The following FMN2 variants were observed in gnomAD, a reference collection of about 807,000 sequenced individuals.
FMN2 encodes formin-2.
FMN2 carries 51 observed loss-of-function variants against 142.3 expected under a neutral mutation model. That is an observed-to-expected ratio of 0.36 (90% CI 0.29 to 0.45). FMN2 has a LOEUF of 0.45. FMN2 is among the 20% of genes least tolerant of loss of function. The pLI, the probability that FMN2 is intolerant of heterozygous loss-of-function variation, is 1.00. For missense variants in FMN2, 1,936 were observed against 2,122.8 expected (o/e 0.91, Z 1.73); for synonymous variants, 882 against 869.8 (o/e 1.01, Z -0.25).
rs1471697427 is a variant in FMN2 at position 240,459,717 on chromosome 1, T to TTAAAAAAAAAAAAAAAAA, written c.5061-12655_5061-12654insTAAAAAAAAAAAAAAAAA. ...GGGTGACAGAACAAGACTCTGTCTC[T>TTAAAAAAAAAAAAAAAAA]AAAAAAAAAAAAAAAAAAAAAAAAA... On this transcript the variant is annotated intron_variant, in intron 16 of 17. Transcript: ENST00000319653. 4.5e-5 allele frequency among the ~76,000 whole-genome samples: 3 copies of TTAAAAAAAAAAAAAAAAA among 67,128 alleles called. 1 individual carries two copies. The highest frequency in any genetic ancestry group is 1.5e-4 in the African/African-American group (3 of 19,468). 44.0% of individuals were successfully genotyped at this position (67,128 alleles called of 152,430 possible).
chr1:240,424,141 TATAC>T lies in FMN2; in HGVS notation c.4911-13912_4911-13909del, dbSNP rs555613613. ...GGTGGCAGGAAGCTCTGTGTCTGTG[TATAC>T]ATACATAGGTGTACATGAGCAACAT... is the stretch of plus-strand genomic sequence containing the variant. On this transcript the variant is annotated intron_variant, in intron 15 of 17. Transcript: ENST00000319653. 3.9e-5 allele frequency among the ~76,000 whole-genome samples: 6 copies of T among 152,330 alleles called. No homozygotes were observed. The South Asian group carries it at 1.2e-3, about 32-fold the overall frequency.
At chr1:240,150,909 A>G (rs1374632991) in intron 2 of FMN2, among the ~76,000 whole-genome samples, 1 of 152,226 alleles carries the variant, frequency 6.6e-6, no homozygotes, top group Non-Finnish European at 1.5e-5. Flanking sequence ...ACATCCACAC[A>G]TGTTAGCATT....
In FMN2 at chr1:240,208,572, T is replaced by G; in HGVS notation, c.3760T>G (p.Leu1254Val). The G allele has an allele frequency of 6.2e-7, 1 of 1,613,620 alleles. No homozygotes were observed. The highest frequency in any genetic ancestry group is 8.5e-7 in the Non-Finnish European group (1 of 1,179,956). Reference protein sequence around the residue: ...PLLPQVGSSTLPTPQVCGFLP... With the variant: ...PLLPQVGSSTVPTPQVCGFLP... ...CCTCCCACAAGTTGGGAGTAGCACT[T>G]TACCAACCCCACAGGTGTGTGGATT... The change falls in exon 5 of 18, where the codon TTA (leucine) becomes GTA (valine). Residue 1254 changes from leucine (L) to valine (V), a missense_variant. By Grantham distance (32) the Leu-to-Val change is conservative. Coordinates refer to ENST00000319653, the MANE Select transcript of FMN2 (RefSeq NM_020066.5).
chr1:240,389,374 A>T (rs1673529228), intron 14 of FMN2, among the ~76,000 whole-genome samples: 1 of 152,200 alleles, frequency 6.6e-6, no homozygotes, highest in South Asian at 2.1e-4. Flanking sequence ...TTTCTGTGTT[A>T]CCTTCAGCAA....
At chr1:240,166,111 C>T (rs979118266) in intron 2 of FMN2, among the ~76,000 whole-genome samples, 7 of 150,178 alleles carry the variant, frequency 4.7e-5, no homozygotes, top group East Asian at 1.9e-4. Context: ...TATAAACTCA[C>T]ATTTATGTGT....
At chr1:240,224,112 A>G (rs1667216967) in intron 6 of FMN2, among the ~76,000 whole-genome samples, 1 of 152,052 alleles carries the variant, frequency 6.6e-6, no homozygotes, top group African/African-American at 2.4e-5. Context: ...TTTCTCCTGT[A>G]GACATTTAGT....
chr1:240,191,587 A>C, intron 4 of FMN2, among the ~76,000 whole-genome samples: 1 of 152,194 alleles, frequency 6.6e-6, no homozygotes, highest in East Asian at 1.9e-4. Context: ...CTGTTTATTA[A>C]AATCTTTGCC....
rs780595882 is a variant in FMN2 at position 240,328,147 on chromosome 1, CAAAAAAA to C, written c.4216-910_4216-904del. Among the ~76,000 whole-genome samples, 187 of 51,442 alleles carry C rather than the reference CAAAAAAA, an allele frequency of 3.6e-3. 1 individual carries two copies. Among genetic ancestry groups the C allele is most frequent in the East Asian group, 0.023 (36 of 1,586 alleles). 33.7% of individuals were successfully genotyped at this position (51,442 alleles called of 152,430 possible). A position where few individuals can be genotyped will look rare whatever the true frequency, so the allele number is the denominator to read the frequency against. On this transcript the variant is annotated intron_variant, in intron 8 of 17. Transcript: ENST00000319653. ...TGGGTGACGGAGCAAGACCCCATCT[CAAAAAAA>C]AAAAAAAAAAAAAAAAAAGAAAAAG...
chr1:240,111,275 A>G (rs1661799137), intron 1 of FMN2, among the ~76,000 whole-genome samples: 1 of 152,190 alleles, frequency 6.6e-6, no homozygotes, highest in South Asian at 2.1e-4. Flanking sequence ...AGGGGTCCCA[A>G]TCCAGACCCT....
chr1:240,422,694 A>C (rs972486012), intron 15 of FMN2, among the ~76,000 whole-genome samples: 4 of 152,176 alleles, frequency 2.6e-5, no homozygotes, highest in Non-Finnish European at 5.9e-5. Flanking sequence ...AAATAGGGAC[A>C]GTTGTATTTC....
intron 7 of FMN2, among the ~76,000 whole-genome samples, chr1:240,271,089 T>G (rs923517243): frequency 1.4e-5 from 2 of 147,076 alleles, no homozygotes; most frequent in African/African-American, 2.5e-5. Flanking sequence ...CTAGGAACTT[T>G]CCACGATGGT....
At position 240,243,406 on chromosome 1, in the gene FMN2, A is replaced by G. The variant is rs181150401; in HGVS notation, c.4066-14539A>G. ...GTATGTCTAAAGAGTTCTTGGAGAA[A>G]TCACACTTTGTAAATTCCCAAGGGG... On this transcript the variant is annotated intron_variant, in intron 6 of 17. Transcript: ENST00000319653. 2.5e-4 allele frequency among the ~76,000 whole-genome samples: 38 copies of G among 151,622 alleles called. No individual in the cohort carries two copies. The East Asian group carries it at 6.8e-3, about 27-fold the overall frequency.
intron 14 of FMN2, among the ~76,000 whole-genome samples, chr1:240,365,620 G>A (rs984521871): frequency 2.6e-5 from 4 of 152,130 alleles, no homozygotes; most frequent in Non-Finnish European, 5.9e-5. Flanking sequence ...GTTTTATAGA[G>A]TCACTGCGAA....
intron 7 of FMN2, among the ~76,000 whole-genome samples, chr1:240,279,068 C>G (rs1428294097): frequency 1.3e-5 from 2 of 152,174 alleles, no homozygotes; most frequent in African/African-American, 4.8e-5. Context: ...AGACTTGAAA[C>G]TAGTGTTATA....
chr1:240,097,626 A>G (rs933247264), intron 1 of FMN2, among the ~76,000 whole-genome samples: 9 of 152,120 alleles, frequency 5.9e-5, no homozygotes, highest in African/African-American at 2.2e-4. Context: ...AAGTGCTGGG[A>G]TTACAGGCGT....
chr1:240,426,841 T>C (rs1411278234), intron 15 of FMN2, among the ~76,000 whole-genome samples: 2 of 152,040 alleles, frequency 1.3e-5, no homozygotes, highest in Non-Finnish European at 2.9e-5. Context: ...GTTCAAGCAA[T>C]TCTCCTCCTG....
chr1:240,284,048 T>A (rs1346942435), intron 7 of FMN2, among the ~76,000 whole-genome samples: 1 of 152,096 alleles, frequency 6.6e-6, no homozygotes, highest in Non-Finnish European at 1.5e-5. Flanking sequence ...TTGTTCCAAG[T>A]GAGGAAAAGG....
chr1:240,178,369 G>A (rs1259758714), intron 3 of FMN2, among the ~76,000 whole-genome samples: 1 of 145,658 alleles, frequency 6.9e-6, no homozygotes, highest in Admixed American at 6.7e-5. Context: ...ACAGAACTGA[G>A]AACCATATTT....
intron 14 of FMN2, among the ~76,000 whole-genome samples, chr1:240,367,868 C>T (rs905742367): frequency 3.3e-5 from 5 of 150,980 alleles, no homozygotes; most frequent in Non-Finnish European, 4.4e-5. Flanking sequence ...TTTGCTTTCA[C>T]ATTTAATCCT....
Sources: allele counts gnomAD v4.1 joint callset (sites outside exome capture counted in the v4.1 genomes callset), GRCh38; gene constraint gnomAD v4.1.1; transcripts MANE v1.5; gene names NCBI Gene and HGNC (gene_info 2026-07-23, HGNC 2026-07-21).